The following IL31RA variants were observed in gnomAD, a reference collection of about 807,000 sequenced individuals.
The protein encoded by IL31RA is interleukin 31 receptor A.
IL31RA carries 66 observed loss-of-function variants against 83.7 expected under a neutral mutation model. That is an observed-to-expected ratio of 0.79 (90% confidence interval 0.65 to 0.97). The LOEUF is 0.97. Among genes scored for constraint, IL31RA ranks in the 50% least tolerant of loss-of-function variants. The pLI, the probability that IL31RA is intolerant of heterozygous loss-of-function variation, is 0.00. For missense variants in IL31RA, 798 were observed against 919.4 expected, an observed-to-expected ratio of 0.87 and a Z score of 1.71; for synonymous variants, 325 against 329.0, an observed-to-expected ratio of 0.99 and a Z score of 0.13.
At chr5:55,907,507 G>A (rs1749233943) in intron 10 of IL31RA, 47 bp downstream of exon 10, 2 of 1,255,692 alleles carry the variant, frequency 1.6e-6, no homozygotes. Context: ...AGTGTGACCT[G>A]TCCCACATGC....
At chr5:55,864,522 A>G (rs539725140) in intron 2 of IL31RA, among the ~76,000 whole-genome samples, 3 of 150,714 alleles carry the variant, frequency 2.0e-5, no homozygotes, top group Non-Finnish European at 4.4e-5. Flanking sequence ...CACTACACAC[A>G]CACTATAAAC....
At chr5:55,888,041 GAAAAAA>G (rs111442550) in intron 5 of IL31RA, among the ~76,000 whole-genome samples, 1 of 137,164 alleles carries the variant, frequency 7.3e-6, no homozygotes, top group African/African-American at 2.6e-5. Flanking sequence ...CAGAGTCAGG[GAAAAAA>G]AAAAAAACAA....
At chr5:55,854,131 A>G (rs1438337190) in intron 1 of IL31RA, among the ~76,000 whole-genome samples, 1 of 152,190 alleles carries the variant, frequency 6.6e-6, no homozygotes, top group Non-Finnish European at 1.5e-5. Context: ...TAATTTGTAT[A>G]GTGTAGTTAG....
Position 55,868,781 on chromosome 5 carries a change from A to G in IL31RA, c.155-10A>G, listed in dbSNP as rs1746339545. The G allele has an allele frequency of 6.8e-7, 1 of 1,460,524 alleles. No individual in the cohort carries two copies. The highest frequency in any genetic ancestry group is 9.6e-7 in the Non-Finnish European group (1 of 1,040,446). 90.5% of individuals were successfully genotyped at this position (1,460,524 alleles called of 1,614,324 possible). ...TTGTGTTTGTGTGTGTGTGTGTTTA[A>G]TTTATTTAGCTCTGCCAGCTAAGCC... is the stretch of plus-strand genomic sequence containing the variant. On this transcript the variant is annotated splice_polypyrimidine_tract_variant and intron_variant, in intron 2 of 14. Coordinates refer to ENST00000652347, the MANE Select transcript of IL31RA (RefSeq NM_139017.7).
At position 55,907,335 on chromosome 5, in the gene IL31RA, CT is replaced by C. The variant is rs558925552; in HGVS notation, c.1253-16del. The C allele has an allele frequency of 1.1e-4, 160 of 1,505,590 alleles. 1 individual carries two copies. The East Asian group carries it at 2.3e-3, about 22-fold the overall frequency. The allele number at this position is 1,505,590 out of a possible 1,614,324, so 93.3% of individuals were successfully genotyped here. A position where few individuals can be genotyped will look rare whatever the true frequency, so the allele number is the denominator to read the frequency against. On this transcript the variant is annotated intron_variant, in intron 9 of 14. Coordinates refer to ENST00000652347, the MANE Select transcript of IL31RA (RefSeq NM_139017.7). ...CACTCTGCCGTGCTCTGCACTTACA[CT>C]TTTTTTTCTTTCTTTTTCACAGATA...
the IL31RA span, among the ~76,000 whole-genome samples, chr5:55,845,939 G>A: frequency 1.3e-5 from 2 of 152,208 alleles, no homozygotes; most frequent in East Asian, 1.9e-4. Flanking sequence ...GTTCTTATAC[G>A]AGCTCCTGTA....
Position 55,853,248 on chromosome 5 carries a change from A to G in IL31RA, c.63+1615A>G, listed in dbSNP as rs1255624743. 1.1e-5 allele frequency: 12 copies of G among 1,057,362 alleles called. No individual in the cohort carries two copies. The East Asian group carries it at 5.4e-4, about 47-fold the overall frequency. The allele number at this position is 1,057,362 out of a possible 1,614,324, so 65.5% of individuals were successfully genotyped here. On this transcript the variant is annotated intron_variant, in intron 1 of 14. Transcript: ENST00000652347. The stretch of plus-strand genomic sequence containing the variant: ...AATTTAAAAGTTAGTCACTTCTTTT[A>G]GTTGTTTCTGGTCTTTCAGATGATC...
chr5:55,901,589 T>C (rs1188508275), intron 8 of IL31RA, among the ~76,000 whole-genome samples: 3 of 3,790 alleles, frequency 7.9e-4, no homozygotes, highest in Admixed American at 4.5e-3. Flanking sequence ...CTATTGTCAT[T>C]ATTATTATTA....
intron 4 of IL31RA, among the ~76,000 whole-genome samples, chr5:55,880,578 TG>T (rs1233235975): frequency 6.6e-6 from 1 of 152,210 alleles, no homozygotes; most frequent in Non-Finnish European, 1.5e-5. Flanking sequence ...ACAATGTTGA[TG>T]GAAACTGAAA....
rs75960820 is a variant in IL31RA at position 55,917,200 on chromosome 5, C to T, written c.*80C>T. ...GAAGATGTCAAGACTCGGCACGCAG[C>T]GCTTGCTTGGCCCTGCCACATCCTG... On this transcript the variant is annotated 3_prime_UTR_variant, in exon 15 of 15. Coordinates refer to ENST00000652347, the MANE Select transcript of IL31RA (RefSeq NM_139017.7). The T allele has an allele frequency of 0.023, 36,558 of 1,605,228 alleles. 662 individuals are homozygous for T. The highest frequency in any genetic ancestry group is 0.098 in the African/African-American group (7,357 of 74,966).
Position 55,919,048 on chromosome 5 carries a change from G to A in IL31RA, c.*1928G>A, listed in dbSNP as rs1049067295. ...CTGTTCTCCACCCCTTCTATGGTGT[G>A]GGCTCTTCTGTGAGCCCACTGTCCC... On this transcript the variant is annotated 3_prime_UTR_variant, in exon 15 of 15. Transcript: ENST00000652347. Among the ~76,000 whole-genome samples, 1 of 152,124 alleles carries A rather than the reference G, an allele frequency of 6.6e-6. No individual in the cohort carries two copies. Among genetic ancestry groups the A allele is most frequent in the African/African-American group, 2.4e-5 (1 of 41,382 alleles).
chr5:55,896,577 TC>T lies in IL31RA; in HGVS notation c.852+154del, dbSNP rs1371962995. The T allele has an allele frequency of 3.7e-4, 124 of 337,260 alleles. 2 individuals carry two copies. Among genetic ancestry groups the T allele is most frequent in the South Asian group, 2.8e-3 (114 of 41,122 alleles). 20.9% of individuals were successfully genotyped at this position (337,260 alleles called of 1,614,324 possible). A position where few individuals can be genotyped will look rare whatever the true frequency, so the allele number is the denominator to read the frequency against. On this transcript the variant is annotated intron_variant, in intron 7 of 14. Coordinates refer to ENST00000652347, the MANE Select transcript of IL31RA (RefSeq NM_139017.7). ...TCCCCTCCCCTCCCCTCCCCTCCCTTCCCCCCACCTTCCCCCTCCCCTCCCT... is the reference window on the plus strand; with the variant it reads ...TCCCCTCCCCTCCCCTCCCCTCCCTTCCCCCACCTTCCCCCTCCCCTCCCT...
chr5:55,909,938 G>A (rs558021424), intron 11 of IL31RA, among the ~76,000 whole-genome samples: 21 of 152,254 alleles, frequency 1.4e-4, no homozygotes, highest in South Asian at 2.1e-4. Context: ...TCCCGACCTC[G>A]GGTGATCTGC....
intron 8 of IL31RA, among the ~76,000 whole-genome samples, chr5:55,904,319 A>C (rs1272612702): frequency 6.6e-6 from 1 of 152,054 alleles, no homozygotes; most frequent in East Asian, 1.9e-4. Context: ...AGCAAAACAC[A>C]AGCACACAGT....
chr5:55,913,290 C>G (rs1320188378), intron 12 of IL31RA, among the ~76,000 whole-genome samples, 187 bp from the exon 13 acceptor site: 2 of 152,060 alleles, frequency 1.3e-5, no homozygotes. Flanking sequence ...CGGGGTTTCA[C>G]TATGTTGGCC....
chr5:55,910,735 T>C (rs1298183643), intron 12 of IL31RA, 63 bp downstream of exon 12: 1 of 1,582,306 alleles, frequency 6.3e-7, no homozygotes, highest in Non-Finnish European at 8.7e-7. Flanking sequence ...CAGAGAGAAA[T>C]GACATCTGCC....
chr5:55,889,845 A>G, intron 5 of IL31RA, 125 bp from the exon 6 acceptor site: 1 of 831,982 alleles, frequency 1.2e-6, no homozygotes, highest in Non-Finnish European at 2.0e-6. Flanking sequence ...AAAATGATAT[A>G]TTTTAAAATT....
intron 5 of IL31RA, among the ~76,000 whole-genome samples, chr5:55,888,321 G>A (rs544672521): frequency 1.3e-5 from 2 of 152,280 alleles, no homozygotes; most frequent in Admixed American, 1.3e-4. Context: ...AAATAACAAA[G>A]TAAAGGAGCC....
chr5:55,849,034 T>C (rs1230794145), upstream of IL31RA, among the ~76,000 whole-genome samples: 1 of 152,230 alleles, frequency 6.6e-6, no homozygotes, highest in African/African-American at 2.4e-5. Context: ...AGAGCACTTG[T>C]TAATTCACCT....
Sources: gnomAD v4.1 joint callset for allele counts (sites outside exome capture counted in the v4.1 genomes callset) on GRCh38, gnomAD v4.1.1 for gene constraint, MANE v1.5 for transcripts, NCBI Gene and HGNC (gene_info 2026-07-23, HGNC 2026-07-21) for gene names.